The following MMP16 variants were observed in gnomAD, a reference collection of about 807,000 sequenced individuals.
MMP16 encodes matrix metallopeptidase 16, also known as matrix metalloproteinase-16.
MMP16 carries 12 observed loss-of-function variants against 67.8 expected under a neutral mutation model. The ratio of observed to expected loss-of-function variants is 0.18; its 90% CI spans 0.11 to 0.29. The LOEUF (loss-of-function observed/expected upper bound fraction) is 0.29, where lower values mean the gene tolerates loss of function less well. MMP16 is among the 10% of genes least tolerant of loss of function. The pLI, the probability that MMP16 is intolerant of heterozygous loss-of-function variation, is 1.00. For synonymous variants in MMP16, 249 were observed against 255.9 expected, an observed-to-expected ratio of 0.97 and a Z score of 0.26; for missense variants, 475 against 765.7, an observed-to-expected ratio of 0.62 and a Z score of 4.48.
At chr8:88,161,315 A>T (rs1808618516) in intron 4 of MMP16, among the ~76,000 whole-genome samples, 2 of 151,852 alleles carry the variant, frequency 1.3e-5, no homozygotes, top group Admixed American at 6.6e-5. Context: ...TTTCTTCTAG[A>T]TTTTCTGGTT....
At chr8:88,295,029 A>G (rs1387992798) in intron 1 of MMP16, among the ~76,000 whole-genome samples, 2 of 152,186 alleles carry the variant, frequency 1.3e-5, no homozygotes, top group African/African-American at 2.4e-5. Context: ...TGACATTTCA[A>G]TATTAGCAAT....
intron 6 of MMP16, among the ~76,000 whole-genome samples, chr8:88,093,660 A>G (rs1808977697): frequency 6.6e-6 from 1 of 151,914 alleles, no homozygotes; most frequent in South Asian, 2.1e-4. Flanking sequence ...AATTAAGATA[A>G]TAATTACATA....
At chr8:88,232,781 G>C (rs1054941419) in intron 1 of MMP16, among the ~76,000 whole-genome samples, 1 of 152,170 alleles carries the variant, frequency 6.6e-6, no homozygotes, top group African/African-American at 2.4e-5. Context: ...AATGTAAGGT[G>C]ACAATTTTTT....
chr8:88,327,208 G>C lies in MMP16; in HGVS notation c.-2C>G. The C allele has an allele frequency of 1.2e-6, 2 of 1,613,918 alleles. No individual in the cohort carries two copies. Among genetic ancestry groups the C allele is most frequent in the Non-Finnish European group, 1.7e-6 (2 of 1,179,886 alleles). ...AGTGCTGAATGTGAGTAAGATCATA[G>C]TGAACTGTGCTTCAATGGATGGACG... On this transcript the variant is annotated 5_prime_UTR_variant, in exon 1 of 10. Transcript: ENST00000286614.
chr8:88,054,652 C>A (rs1808309567), intron 8 of MMP16, among the ~76,000 whole-genome samples: 1 of 151,998 alleles, frequency 6.6e-6, no homozygotes, highest in Non-Finnish European at 1.5e-5. Flanking sequence ...GAGCATTTTG[C>A]TATGGAAAAA....
intron 1 of MMP16, among the ~76,000 whole-genome samples, chr8:88,284,711 C>A (rs1003344424): frequency 1.3e-5 from 2 of 152,164 alleles, no homozygotes; most frequent in Non-Finnish European, 2.9e-5. Flanking sequence ...CCTCTTTCTG[C>A]GCTCCAGTTT....
At chr8:88,233,909 C>T (rs979780966) in intron 1 of MMP16, among the ~76,000 whole-genome samples, 3 of 152,168 alleles carry the variant, frequency 2.0e-5, no homozygotes, top group African/African-American at 7.2e-5. Context: ...CCAAAGTGAG[C>T]GCCAGATCCA....
chr8:88,122,914 C>T (rs28907624), intron 4 of MMP16, among the ~76,000 whole-genome samples: 6 of 151,540 alleles, frequency 4.0e-5, no homozygotes, highest in South Asian at 2.1e-4. Context: ...CTCCTCCCCC[C>T]ACCCCTGCCT....
intron 6 of MMP16, among the ~76,000 whole-genome samples, chr8:88,093,414 T>C (rs527277150): frequency 6.6e-6 from 1 of 151,918 alleles, no homozygotes; most frequent in East Asian, 2.0e-4. Flanking sequence ...CTTTTGTGAT[T>C]TTTGTTTGTT....
At chr8:88,104,605 C>A (rs975023065) in intron 6 of MMP16, among the ~76,000 whole-genome samples, 2 of 149,006 alleles carry the variant, frequency 1.3e-5, no homozygotes, top group Non-Finnish European at 3.0e-5. Context: ...AAATGCAGTA[C>A]GTAACACTTG....
At chr8:88,304,115 G>C (rs949109513) in intron 1 of MMP16, among the ~76,000 whole-genome samples, 8 of 152,154 alleles carry the variant, frequency 5.3e-5, no homozygotes, top group Non-Finnish European at 1.2e-4. Context: ...TGACCTGATG[G>C]AGCTGAAAAA....
chr8:88,116,786 G>A (rs1195115044), intron 5 of MMP16, 68 bp from the exon 6 acceptor site: 1 of 1,359,384 alleles, frequency 7.4e-7, no homozygotes, highest in Non-Finnish European at 1.0e-6. Context: ...ATATGCTACA[G>A]AGAACAATCA....
chr8:88,265,486 T>A (rs2129960173), intron 1 of MMP16, among the ~76,000 whole-genome samples: 1 of 152,158 alleles, frequency 6.6e-6, no homozygotes, highest in Non-Finnish European at 1.5e-5. Context: ...ATTAACTGGG[T>A]AATCAAAATG....
intron 4 of MMP16, among the ~76,000 whole-genome samples, chr8:88,122,556 AC>A (rs1807856923): frequency 6.6e-6 from 1 of 152,028 alleles, no homozygotes; most frequent in South Asian, 2.1e-4. Flanking sequence ...TTAAAATAGT[AC>A]AGTCCATATC....
intron 1 of MMP16, among the ~76,000 whole-genome samples, chr8:88,231,027 C>T (rs977924971): frequency 2.0e-5 from 3 of 152,056 alleles, no homozygotes; most frequent in Non-Finnish European, 4.4e-5. Context: ...AAACTTCCAC[C>T]TCAAAATATT....
intron 1 of MMP16, among the ~76,000 whole-genome samples, chr8:88,203,663 A>G (rs1374849563): frequency 6.6e-6 from 1 of 152,202 alleles, no homozygotes; most frequent in Non-Finnish European, 1.5e-5. Context: ...TTTATGAATT[A>G]TATCATCTTA....
At chr8:88,204,400 A>G (rs1390661614) in intron 1 of MMP16, among the ~76,000 whole-genome samples, 1 of 152,132 alleles carries the variant, frequency 6.6e-6, no homozygotes, top group African/African-American at 2.4e-5. Flanking sequence ...TTTTTAAGAT[A>G]AAGATTATAA....
intron 6 of MMP16, among the ~76,000 whole-genome samples, chr8:88,077,268 T>G (rs1199831891): frequency 6.6e-6 from 1 of 152,208 alleles, no homozygotes; most frequent in African/African-American, 2.4e-5. Context: ...TCACAGTGGA[T>G]GTAAACTCAT....
At chr8:88,052,650 T>C (rs1301484272) in intron 8 of MMP16, among the ~76,000 whole-genome samples, 2 of 152,228 alleles carry the variant, frequency 1.3e-5, no homozygotes, top group Non-Finnish European at 2.9e-5. Context: ...CTGTGAAATC[T>C]GGTCCCTATC....
Sources: gnomAD v4.1 joint callset for allele counts (sites outside exome capture counted in the v4.1 genomes callset) on GRCh38, gnomAD v4.1.1 for gene constraint, MANE v1.5 for transcripts, NCBI Gene and HGNC (gene_info 2026-07-23, HGNC 2026-07-21) for gene names.